PARD3: variants seen among roughly 807,000 people sequenced by gnomAD.
PARD3 encodes partitioning defective 3 homolog.
In PARD3, 75 loss-of-function variants were observed where a neutral mutation model predicts 155.4. That is an observed-to-expected ratio of 0.48 (90% CI 0.40 to 0.58). PARD3 has a LOEUF of 0.58. Among genes scored for constraint, PARD3 ranks in the 20% least tolerant of loss-of-function variants. The pLI is 0.00. For missense variants in PARD3, 1,642 were observed against 1,721.7 expected (o/e 0.95, Z 0.82); for synonymous variants, 576 against 610.5 (o/e 0.94, Z 0.83).
intron 2 of PARD3, among the ~76,000 whole-genome samples, chr10:34,522,779 G>A (rs985857032): frequency 3.3e-5 from 5 of 152,268 alleles, no homozygotes; most frequent in South Asian, 2.1e-4. Flanking sequence ...ACACAAAGTC[G>A]TTTTTATTAT....
chr10:34,666,816 T>TACAC (rs1554804682), intron 2 of PARD3, among the ~76,000 whole-genome samples: 2,835 of 88,508 alleles, frequency 0.032, 88 homozygotes, highest in Non-Finnish European at 0.045. Context: ...TATATATATA[T>TACAC]ACACACACAC....
chr10:34,724,286 G>A (rs1009045446), intron 1 of PARD3, among the ~76,000 whole-genome samples: 19 of 152,154 alleles, frequency 1.2e-4, no homozygotes, highest in Admixed American at 9.2e-4. Context: ...CTTTCTCCAT[G>A]CAACTAAAAT....
At chr10:34,451,556 T>TTG (rs2077058303) in intron 4 of PARD3, among the ~76,000 whole-genome samples, 1 of 152,162 alleles carries the variant, frequency 6.6e-6, no homozygotes, top group Admixed American at 6.5e-5. Flanking sequence ...AGGATACTAT[T>TTG]TGCTCTTCCT....
At chr10:34,131,713 T>C in intron 22 of PARD3, 130 bp from the exon 23 acceptor site, 1 of 745,904 alleles carries the variant, frequency 1.3e-6, no homozygotes, top group Non-Finnish European at 2.2e-6. Context: ...TAAAACAATA[T>C]GTGGGCATTT....
chr10:34,137,061 C>T (rs1209731300), intron 22 of PARD3, among the ~76,000 whole-genome samples: 1 of 152,162 alleles, frequency 6.6e-6, no homozygotes, highest in African/African-American at 2.4e-5. Flanking sequence ...TTATGCACTC[C>T]TCTACCCTTG....
chr10:34,396,494 G>C (rs1471544821), intron 7 of PARD3, among the ~76,000 whole-genome samples: 1 of 152,120 alleles, frequency 6.6e-6, no homozygotes, highest in Non-Finnish European at 1.5e-5. Context: ...TTTGATATTT[G>C]AGGTGGTCTG....
At chr10:34,711,418 G>C (rs1203711856) in intron 1 of PARD3, among the ~76,000 whole-genome samples, 4 of 152,070 alleles carry the variant, frequency 2.6e-5, no homozygotes, top group Non-Finnish European at 4.4e-5. Context: ...CTACTCGGGA[G>C]GCTGAGGCAG....
intron 2 of PARD3, among the ~76,000 whole-genome samples, chr10:34,625,423 G>A (rs1426661702): frequency 6.6e-6 from 1 of 152,224 alleles, no homozygotes; most frequent in African/African-American, 2.4e-5. Flanking sequence ...CCATCTCCAG[G>A]TGCAGAAGCA....
At chr10:34,426,268 C>T (rs1477894605) in intron 5 of PARD3, among the ~76,000 whole-genome samples, 1 of 152,146 alleles carries the variant, frequency 6.6e-6, no homozygotes, top group African/African-American at 2.4e-5. Flanking sequence ...ATCATGAACA[C>T]TGATATTTAG....
intron 5 of PARD3, among the ~76,000 whole-genome samples, chr10:34,446,392 C>A (rs186867314): frequency 1.2e-3 from 176 of 152,052 alleles, no homozygotes; most frequent in African/African-American, 3.9e-3. Flanking sequence ...TGATTCTAAG[C>A]CTTTGGCGGG....
At chr10:34,507,404 T>A (rs147385246) in intron 3 of PARD3, among the ~76,000 whole-genome samples, 1 of 150,890 alleles carries the variant, frequency 6.6e-6, no homozygotes, top group East Asian at 1.9e-4. Context: ...GAAAAAAGAG[T>A]ACTCCAATTT....
chr10:34,137,862 G>A (rs1175681091), intron 22 of PARD3, among the ~76,000 whole-genome samples: 1 of 152,170 alleles, frequency 6.6e-6, no homozygotes, highest in Non-Finnish European at 1.5e-5. Context: ...GAGGCCACTA[G>A]GTTAGGCAAT....
intron 1 of PARD3, among the ~76,000 whole-genome samples, chr10:34,802,368 A>G (rs143487966): frequency 2.6e-4 from 40 of 152,364 alleles, no homozygotes; most frequent in African/African-American, 9.6e-4. Flanking sequence ...GATTTTGTGA[A>G]ATAGCCATTA....
At chr10:34,459,244 G>A (rs538247394) in intron 4 of PARD3, among the ~76,000 whole-genome samples, 1 of 152,170 alleles carries the variant, frequency 6.6e-6, no homozygotes, top group African/African-American at 2.4e-5. Flanking sequence ...TCGGCTCACT[G>A]CAAGCACCGC....
chr10:34,513,040 C>CA (rs968677588), intron 3 of PARD3, among the ~76,000 whole-genome samples: 12 of 151,628 alleles, frequency 7.9e-5, no homozygotes, highest in African/African-American at 2.4e-4. Context: ...TTTAGGCTAC[C>CA]AAAAAAATAT....
intron 22 of PARD3, among the ~76,000 whole-genome samples, chr10:34,148,179 T>C (rs1031195727): frequency 3.3e-5 from 5 of 152,276 alleles, no homozygotes; most frequent in Non-Finnish European, 5.9e-5. Flanking sequence ...TATCAGCAAT[T>C]GCCTAACCCA....
intron 15 of PARD3, chr10:34,343,210 G>A (rs1344126430): frequency 2.0e-6 from 1 of 505,030 alleles, no homozygotes; most frequent in East Asian, 1.5e-4. Flanking sequence ...CCACTGACGA[G>A]GCATGTCACA....
chr10:34,542,654 T>C (rs2083730039), intron 2 of PARD3, among the ~76,000 whole-genome samples: 1 of 152,196 alleles, frequency 6.6e-6, no homozygotes, highest in South Asian at 2.1e-4. Flanking sequence ...ACAAAGTAAG[T>C]GTAACAGTAG....
At chr10:34,305,127 C>T (rs1957340609) in intron 20 of PARD3, among the ~76,000 whole-genome samples, 1 of 152,096 alleles carries the variant, frequency 6.6e-6, no homozygotes. Context: ...TAAAAAAAGA[C>T]TAACATTGTT....
Sources: allele counts gnomAD v4.1 joint callset (sites outside exome capture counted in the v4.1 genomes callset), GRCh38; gene constraint gnomAD v4.1.1; transcripts MANE v1.5; gene names NCBI Gene and HGNC (gene_info 2026-07-23, HGNC 2026-07-21).